The following NALF1 variants were observed in gnomAD, a reference collection of about 807,000 sequenced individuals.
The protein encoded by NALF1 is family with sequence similarity 155 member A.
In NALF1, 3 loss-of-function variants were observed where a neutral mutation model predicts 48.4. The observed-to-expected ratio is 0.06, with a 90% CI of 0.03 to 0.16. The LOEUF (loss-of-function observed/expected upper bound fraction) is 0.16. NALF1 is among the 10% of genes least tolerant of loss of function. NALF1 has a pLI of 1.00. For missense variants in NALF1, 526 were observed against 571.5 expected, an observed-to-expected ratio of 0.92 and a Z score of 0.81; for synonymous variants, 262 against 245.7, an observed-to-expected ratio of 1.07 and a Z score of -0.62.
chr13:107,671,995 C>A (rs371414903), intron 1 of NALF1, among the ~76,000 whole-genome samples: 1 of 128,016 alleles, frequency 7.8e-6, no homozygotes. Flanking sequence ...GGTAAAATTG[C>A]CTTGAAAAAA....
intron 1 of NALF1, among the ~76,000 whole-genome samples, chr13:107,596,888 T>C (rs1374550503): frequency 6.6e-6 from 1 of 152,200 alleles, no homozygotes; most frequent in Non-Finnish European, 1.5e-5. Flanking sequence ...GTTGGCAGTA[T>C]GCTCAATGTT....
intron 1 of NALF1, among the ~76,000 whole-genome samples, chr13:107,607,526 G>A (rs1050895644): frequency 2.0e-5 from 3 of 152,178 alleles, no homozygotes; most frequent in Non-Finnish European, 4.4e-5. Context: ...AGTTGTTGTT[G>A]TTGTTGTTTT....
rs564908405 is a variant in NALF1 at position 107,440,172 on chromosome 13, A to T, written c.916-229417T>A. Among the ~76,000 whole-genome samples the T allele has an allele frequency of 2.0e-5, 3 of 152,316 alleles. No homozygotes were observed. The East Asian group carries it at 5.8e-4, about 29-fold the overall frequency. ...TTGTGGTATACATTTTGAAATTCTG[A>T]AATATTGACTAATTTCTCTAGGTAT... On this transcript the variant is annotated intron_variant, in intron 1 of 2. Transcript: ENST00000375915.
At chr13:107,764,959 G>A (rs1395381343) in intron 1 of NALF1, among the ~76,000 whole-genome samples, 2 of 152,132 alleles carry the variant, frequency 1.3e-5, no homozygotes, top group Non-Finnish European at 2.9e-5. Context: ...GTTACTTTAT[G>A]CATGGAGGAC....
At chr13:107,205,164 C>A (rs1198262789) in intron 2 of NALF1, among the ~76,000 whole-genome samples, 1 of 151,936 alleles carries the variant, frequency 6.6e-6, no homozygotes, top group African/African-American at 2.4e-5. Flanking sequence ...CCTTTCCCCC[C>A]ACCCCACAAC....
chr13:107,407,602 G>T (rs1200388395), intron 1 of NALF1, among the ~76,000 whole-genome samples: 1 of 152,012 alleles, frequency 6.6e-6, no homozygotes, highest in African/African-American at 2.4e-5. Context: ...CAAAAGACAG[G>T]CAATAACAGA....
chr13:107,336,558 A>G (rs776103292), intron 1 of NALF1, among the ~76,000 whole-genome samples: 32 of 152,206 alleles, frequency 2.1e-4, no homozygotes, highest in Middle Eastern at 3.4e-3. Context: ...GGAGAGAACA[A>G]TCTTTGTGTC....
intron 1 of NALF1, among the ~76,000 whole-genome samples, chr13:107,830,076 A>C (rs1879668210): frequency 6.6e-6 from 1 of 152,114 alleles, no homozygotes; most frequent in Non-Finnish European, 1.5e-5. Context: ...ACCCTCACCA[A>C]ATAAGTAGGA....
intron 1 of NALF1, among the ~76,000 whole-genome samples, chr13:107,600,195 G>T (rs1431623219): frequency 6.6e-6 from 1 of 152,178 alleles, no homozygotes; most frequent in Admixed American, 6.5e-5. Context: ...TTACAGTGAC[G>T]ATTGGAAGAC....
At chr13:107,204,949 C>T (rs1379056944) in intron 2 of NALF1, among the ~76,000 whole-genome samples, 2 of 151,454 alleles carry the variant, frequency 1.3e-5, no homozygotes, top group Non-Finnish European at 2.9e-5. Flanking sequence ...AAATTAAAAT[C>T]TATAGAGGTA....
At chr13:107,708,327 G>A (rs930450120) in intron 1 of NALF1, among the ~76,000 whole-genome samples, 4 of 151,982 alleles carry the variant, frequency 2.6e-5, no homozygotes, top group Non-Finnish European at 4.4e-5. Context: ...CTCAGTTACC[G>A]ATGTCTTACC....
chr13:107,755,401 T>C (rs1566469728), intron 1 of NALF1, among the ~76,000 whole-genome samples: 4 of 152,158 alleles, frequency 2.6e-5, no homozygotes, highest in Middle Eastern at 3.4e-3. Flanking sequence ...TTTCAAATGC[T>C]TTTGCTTGTC....
At chr13:107,358,913 T>A (rs1176274467) in intron 1 of NALF1, among the ~76,000 whole-genome samples, 2 of 152,120 alleles carry the variant, frequency 1.3e-5, no homozygotes, top group Admixed American at 1.3e-4. Flanking sequence ...CACAAAAGCG[T>A]ATTCTGAAAA....
At chr13:107,177,034 T>G (rs1363476637) in intron 2 of NALF1, among the ~76,000 whole-genome samples, 1 of 151,978 alleles carries the variant, frequency 6.6e-6, no homozygotes, top group African/African-American at 2.4e-5. Context: ...AGTTACAGGA[T>G]ACAACATCAA....
At chr13:107,363,850 T>G (rs1036012926) in intron 1 of NALF1, among the ~76,000 whole-genome samples, 5 of 152,230 alleles carry the variant, frequency 3.3e-5, no homozygotes, top group African/African-American at 1.2e-4. Flanking sequence ...CAGTTCATGT[T>G]GTGTTTTCTA....
intron 1 of NALF1, among the ~76,000 whole-genome samples, chr13:107,645,522 T>C (rs1212000374): frequency 6.6e-6 from 1 of 152,108 alleles, no homozygotes; most frequent in Non-Finnish European, 1.5e-5. Context: ...GCTATATTAG[T>C]ATTTACAACC....
chr13:107,568,109 C>G (rs1339849944), intron 1 of NALF1, among the ~76,000 whole-genome samples: 1 of 152,164 alleles, frequency 6.6e-6, no homozygotes, highest in Non-Finnish European at 1.5e-5. Context: ...TCCGGAGTAG[C>G]TGGCACATCA....
intron 1 of NALF1, among the ~76,000 whole-genome samples, chr13:107,763,568 C>A (rs1054340054): frequency 7.4e-5 from 11 of 149,158 alleles, no homozygotes; most frequent in African/African-American, 2.5e-4. Flanking sequence ...AAAAATTTTT[C>A]TTGAAGCTTT....
At chr13:107,356,602 T>C (rs1474557349) in intron 1 of NALF1, among the ~76,000 whole-genome samples, 1 of 148,422 alleles carries the variant, frequency 6.7e-6, no homozygotes, top group African/African-American at 2.5e-5. Context: ...ATCCCTCACT[T>C]AGAACTCATT....
Sources: allele counts gnomAD v4.1 joint callset (sites outside exome capture counted in the v4.1 genomes callset), GRCh38; gene constraint gnomAD v4.1.1; transcripts MANE v1.5; gene names NCBI Gene and HGNC (gene_info 2026-07-23, HGNC 2026-07-21).